PROM1: variants seen among roughly 807,000 people sequenced by gnomAD.
PROM1 encodes the protein prominin-1.
In PROM1, 105 loss-of-function variants were observed where a neutral mutation model predicts 116.9. The observed-to-expected ratio is 0.90, with a 90% CI of 0.77 to 1.06. PROM1 has a LOEUF of 1.06. PROM1 is among the 50% of genes least tolerant of loss of function. The pLI is 0.00. For missense variants in PROM1, 1,122 were observed against 1,045.2 expected (o/e 1.07, Z -1.01); for synonymous variants, 393 against 387.0 (o/e 1.02, Z -0.18).
chr4:16,011,869 T>C (rs745961976), intron 11 of PROM1, among the ~76,000 whole-genome samples: 26 of 152,182 alleles, frequency 1.7e-4, no homozygotes, highest in Non-Finnish European at 3.1e-4. Flanking sequence ...GGAAAAATAA[T>C]CAAGTATCTC....
At chr4:16,064,871 T>A (rs1040958754) in intron 2 of PROM1, among the ~76,000 whole-genome samples, 1 of 152,042 alleles carries the variant, frequency 6.6e-6, no homozygotes, top group African/African-American at 2.4e-5. Flanking sequence ...CCAGCCTGGG[T>A]GACAAGAGAG....
Position 15,969,125 on chromosome 4 carries a change from T to TA in PROM1, c.*267dup, listed in dbSNP as rs887218426. ...GTAGTGTCTAAATAGAAACTCAGTG[T>TA]AAAAAAGTAAAAAACAAAAATAGAC... On this transcript the variant is annotated 3_prime_UTR_variant, in exon 28 of 28. Transcript: ENST00000447510. The TA allele has an allele frequency of 2.6e-5, 4 of 152,112 alleles. No homozygotes were observed. The highest frequency in any genetic ancestry group is 9.7e-5 in the African/African-American group (4 of 41,434). The allele number at this position is 152,112 out of a possible 1,614,324, so 9.4% of individuals were successfully genotyped here. A position where few individuals can be genotyped will look rare whatever the true frequency, so the allele number is the denominator to read the frequency against.
intron 2 of PROM1, among the ~76,000 whole-genome samples, chr4:16,067,101 C>G (rs942176005): frequency 2.0e-5 from 3 of 152,152 alleles, no homozygotes; most frequent in Non-Finnish European, 2.9e-5. Flanking sequence ...CACTCAAACC[C>G]ACCCACTCAC....
chr4:16,037,515 C>T (rs1044522465), intron 3 of PROM1, among the ~76,000 whole-genome samples: 3 of 152,196 alleles, frequency 2.0e-5, no homozygotes, highest in Non-Finnish European at 4.4e-5. Flanking sequence ...TTTGTAACTA[C>T]CGTATCTGAG....
At chr4:16,015,449 G>A (rs1201647091) in intron 10 of PROM1, among the ~76,000 whole-genome samples, 1 of 151,540 alleles carries the variant, frequency 6.6e-6, no homozygotes, top group Non-Finnish European at 1.5e-5. Context: ...CAGCACTTTG[G>A]AAGGCCAAGG....
At chr4:16,034,841 G>A (rs2149388995) in intron 4 of PROM1, among the ~76,000 whole-genome samples, 1 of 152,314 alleles carries the variant, frequency 6.6e-6, no homozygotes, top group Non-Finnish European at 1.5e-5. Context: ...GGGGCTTCCA[G>A]GTCCCTAAAG....
chr4:16,035,874 G>A lies in PROM1; in HGVS notation c.277-113C>T, dbSNP rs780742756. 143 of 943,070 alleles carry A rather than the reference G, an allele frequency of 1.5e-4. 1 individual carries two copies. Among genetic ancestry groups the A allele is most frequent in the Non-Finnish European group, 2.3e-4 (133 of 584,734 alleles). The allele number at this position is 943,070 out of a possible 1,614,324, so 58.4% of individuals were successfully genotyped here. A position where few individuals can be genotyped will look rare whatever the true frequency, so the allele number is the denominator to read the frequency against. The stretch of plus-strand genomic sequence containing the variant: ...AACCAAGAACATTCATATCCCACAA[G>A]GAGGAAATTGGGTGATAGAAGGATA... On this transcript the variant is annotated intron_variant, in intron 3 of 27. Transcript: ENST00000447510.
In PROM1 at chr4:16,073,636, T is replaced by A. The variant is rs141301202; in HGVS notation, c.220+2051A>T. Among the ~76,000 whole-genome samples the A allele has an allele frequency of 4.0e-4, 53 of 134,102 alleles. No homozygotes were observed. In the East Asian group the frequency reaches 0.011, roughly 28 times the overall value. The allele number at this position is 134,102 out of a possible 152,430, so 88.0% of individuals were successfully genotyped here. A position where few individuals can be genotyped will look rare whatever the true frequency, so the allele number is the denominator to read the frequency against. On this transcript the variant is annotated intron_variant, in intron 2 of 27. Transcript: ENST00000447510. ...CCAAAGAGGTAATGCTGGTCTGCCC[T>A]GGTCTACTGTTGAAAGTTGAGAATT...
chr4:16,041,083 T>C (rs141789261), intron 2 of PROM1, among the ~76,000 whole-genome samples: 1 of 152,208 alleles, frequency 6.6e-6, no homozygotes, highest in Non-Finnish European at 1.5e-5. Context: ...CCAAGACATG[T>C]TCAGGGTGTC....
intron 7 of PROM1, among the ~76,000 whole-genome samples, chr4:16,023,621 A>G (rs1730471263): frequency 6.6e-6 from 1 of 152,174 alleles, no homozygotes; most frequent in Non-Finnish European, 1.5e-5. Flanking sequence ...TAATCACTAC[A>G]GACTCACCAG....
rs199999403 is a variant in PROM1 at position 16,024,408 on chromosome 4, A to G, written c.631-50T>C. 6.9e-5 allele frequency: 101 copies of G among 1,453,780 alleles called. No homozygotes were observed. In the African/African-American group the frequency reaches 9.5e-4, roughly 14 times the overall value. 90.1% of individuals were successfully genotyped at this position (1,453,780 alleles called of 1,614,324 possible). On this transcript the variant is annotated intron_variant, in intron 6 of 27. Transcript: ENST00000447510. ...CCTCCCCTTCTAAGGTCCAAAGGCA[A>G]TAAGAGGGCAAAAAGAGATTTAATA... is the stretch of plus-strand genomic sequence containing the variant.
chr4:16,035,957 GCT>G (rs1333925641), intron 3 of PROM1, among the ~76,000 whole-genome samples, 196 bp from the exon 4 acceptor site: 1 of 152,196 alleles, frequency 6.6e-6, no homozygotes, highest in Non-Finnish European at 1.5e-5. Context: ...GTTTTAAGTT[GCT>G]CTGAGTTCTG....
intron 2 of PROM1, among the ~76,000 whole-genome samples, chr4:16,041,744 C>T (rs1045248729): frequency 1.7e-4 from 23 of 135,370 alleles, no homozygotes; most frequent in Admixed American, 5.5e-4. Flanking sequence ...CGAGACCCTG[C>T]CTCAAATAAA....
chr4:16,050,784 G>GT (rs1737682208), intron 2 of PROM1, among the ~76,000 whole-genome samples: 1 of 152,196 alleles, frequency 6.6e-6, no homozygotes, highest in South Asian at 2.1e-4. Context: ...TCCATGCATA[G>GT]TTTTTTCCAT....
chr4:16,049,577 C>T (rs991321869), intron 2 of PROM1, among the ~76,000 whole-genome samples: 2 of 152,136 alleles, frequency 1.3e-5, no homozygotes, highest in Non-Finnish European at 2.9e-5. Flanking sequence ...TCCTGTAAAT[C>T]AGATCTCACC....
At chr4:16,019,409 C>T (rs575546830) in intron 8 of PROM1, among the ~76,000 whole-genome samples, 3 of 152,234 alleles carry the variant, frequency 2.0e-5, no homozygotes, top group Non-Finnish European at 4.4e-5. Flanking sequence ...GTCAGCCATG[C>T]AATCAAGAGG....
chr4:16,072,992 C>A (rs1371098647), intron 2 of PROM1, among the ~76,000 whole-genome samples: 1 of 152,144 alleles, frequency 6.6e-6, no homozygotes, highest in Non-Finnish European at 1.5e-5. Context: ...ACTTTCTAAT[C>A]CCCTACCCAC....
rs1247174848 is a variant in PROM1 at position 16,008,967 on chromosome 4, T to A, written c.1283A>T (p.Glu428Val). Residue 428 changes from glutamate (E) to valine (V), a missense_variant, in exon 12 of 28, where the codon GAA becomes GTA. By Grantham distance (121) the Glu-to-Val change is moderately radical. Transcript: ENST00000447510. Reference sequence around the variant, plus strand: ...CACTCACCAGTATGAATCATACTCTTCCAATGTAGGTAAATTTCTGTGGAT... The same window carrying A: ...CACTCACCAGTATGAATCATACTCTACCAATGTAGGTAAATTTCTGTGGAT... ...SYIHRNLPTLEEYDSYWWLGG... is the reference protein window; with the variant it reads ...SYIHRNLPTLVEYDSYWWLGG... 2.5e-6 allele frequency: 4 copies of A among 1,591,648 alleles called. No homozygotes were observed. The South Asian group carries it at 4.4e-5, about 18-fold the overall frequency.
At chr4:16,023,734 T>C (rs1459055485) in intron 7 of PROM1, among the ~76,000 whole-genome samples, 1 of 152,176 alleles carries the variant, frequency 6.6e-6, no homozygotes, top group Non-Finnish European at 1.5e-5. Context: ...TGGGGGCTGT[T>C]GTGAGCATTA....
Sources: gnomAD v4.1 joint callset for allele counts (sites outside exome capture counted in the v4.1 genomes callset) on GRCh38, gnomAD v4.1.1 for gene constraint, MANE v1.5 for transcripts, NCBI Gene and HGNC (gene_info 2026-07-23, HGNC 2026-07-21) for gene names.